The following CPQ variants were observed in gnomAD, a reference collection of about 807,000 sequenced individuals.
The protein encoded by CPQ is Ser-Met dipeptidase.
Under a neutral mutation model 45.7 loss-of-function variants are expected in CPQ, and 37 were observed. The observed-to-expected ratio is 0.81, with a 90% confidence interval of 0.62 to 1.07. The LOEUF is 1.07. Ranked by LOEUF, CPQ falls within the 50% of genes least tolerant of loss-of-function variation. The pLI is 0.00. For missense variants in CPQ, 537 were observed against 572.9 expected (o/e 0.94, Z 0.64); for synonymous variants, 186 against 205.8 (o/e 0.90, Z 0.82).
chr8:96,879,739 A>C, intron 3 of CPQ, 59 bp from the exon 4 acceptor site: 1 of 1,348,886 alleles, frequency 7.4e-7, no homozygotes, highest in South Asian at 1.2e-5. Context: ...AGGTGCTTTC[A>C]AAAAAGTCTT....
At chr8:97,022,957 C>T (rs543040907) in intron 5 of CPQ, among the ~76,000 whole-genome samples, 80 of 50,658 alleles carry the variant, frequency 1.6e-3, no homozygotes, top group African/African-American at 3.4e-3. Context: ...ATTTGCAATT[C>T]CAAAAACATA....
At chr8:96,776,172 C>T (rs898043992) in intron 1 of CPQ, among the ~76,000 whole-genome samples, 1 of 152,074 alleles carries the variant, frequency 6.6e-6, no homozygotes, top group Non-Finnish European at 1.5e-5. Context: ...TGAATAAAGG[C>T]AAAAATCTTC....
intron 1 of CPQ, among the ~76,000 whole-genome samples, chr8:96,775,912 A>G (rs960449532): frequency 1.3e-5 from 2 of 152,200 alleles, no homozygotes; most frequent in Non-Finnish European, 2.9e-5. Context: ...GCTTAGATTA[A>G]TGGGACTGGA....
chr8:97,122,371 G>A (rs1811720569), intron 7 of CPQ, among the ~76,000 whole-genome samples: 1 of 151,792 alleles, frequency 6.6e-6, no homozygotes, highest in South Asian at 2.1e-4. Flanking sequence ...GAAGACAATG[G>A]GTGACATCTT....
chr8:97,130,140 A>G (rs1475955721), intron 7 of CPQ, among the ~76,000 whole-genome samples: 1 of 152,194 alleles, frequency 6.6e-6, no homozygotes, highest in East Asian at 1.9e-4. Context: ...GTCCTCCATC[A>G]TGAGGCCTTT....
chr8:97,086,327 G>T (rs767242733), intron 7 of CPQ, among the ~76,000 whole-genome samples: 5 of 152,102 alleles, frequency 3.3e-5, no homozygotes, highest in Non-Finnish European at 7.4e-5. Context: ...AGACCATAAG[G>T]TGCCAAATAC....
intron 2 of CPQ, among the ~76,000 whole-genome samples, chr8:96,791,296 T>A (rs944965050): frequency 2.0e-5 from 3 of 152,318 alleles, no homozygotes; most frequent in African/African-American, 7.2e-5. Flanking sequence ...TTACTATTTT[T>A]AGCCATCTAG....
At chr8:96,656,609 G>A (rs991556850) in intron 1 of CPQ, among the ~76,000 whole-genome samples, 5 of 152,152 alleles carry the variant, frequency 3.3e-5, no homozygotes, top group Admixed American at 2.6e-4. Flanking sequence ...GGATTTCTGC[G>A]TCAGGCAATT....
At chr8:97,045,587 G>A (rs1043087447) in intron 6 of CPQ, among the ~76,000 whole-genome samples, 1 of 152,232 alleles carries the variant, frequency 6.6e-6, no homozygotes, top group African/African-American at 2.4e-5. Context: ...CGTCGCTCAT[G>A]CTGGGAGCTG....
At chr8:96,875,070 C>A (rs1474428807) in intron 3 of CPQ, among the ~76,000 whole-genome samples, 1 of 151,808 alleles carries the variant, frequency 6.6e-6, no homozygotes, top group Non-Finnish European at 1.5e-5. Context: ...TTTGCATTTC[C>A]TTTATAGCTA....
At chr8:97,106,815 A>C (rs1310599576) in intron 7 of CPQ, among the ~76,000 whole-genome samples, 1 of 152,196 alleles carries the variant, frequency 6.6e-6, no homozygotes, top group Non-Finnish European at 1.5e-5. Flanking sequence ...GAATCAGCAA[A>C]GAGCCGAGAA....
At chr8:97,097,045 T>G (rs12114789) in intron 7 of CPQ, among the ~76,000 whole-genome samples, 19,123 of 152,210 alleles carry the variant, frequency 0.13, 2,086 homozygotes, top group African/African-American at 0.29. Flanking sequence ...TGAAAAGGTT[T>G]CCAGCGTCCT....
chr8:97,070,743 A>G (rs1810726406), intron 7 of CPQ, among the ~76,000 whole-genome samples: 1 of 152,206 alleles, frequency 6.6e-6, no homozygotes, highest in Non-Finnish European at 1.5e-5. Context: ...AATTTGAAAG[A>G]CAATACATGA....
chr8:96,748,961 C>A (rs186312661), intron 1 of CPQ, among the ~76,000 whole-genome samples: 2 of 152,088 alleles, frequency 1.3e-5, no homozygotes, highest in East Asian at 3.8e-4. Context: ...AATTGCAAAG[C>A]CTTTTCTGAC....
intron 2 of CPQ, among the ~76,000 whole-genome samples, chr8:96,800,456 G>T (rs1265253960): frequency 5.9e-5 from 9 of 152,130 alleles, no homozygotes; most frequent in Non-Finnish European, 1.3e-4. Context: ...CATATTCTAT[G>T]ACCCAGTAAT....
intron 5 of CPQ, among the ~76,000 whole-genome samples, chr8:96,995,324 GGTT>G (rs1809159876): frequency 6.6e-6 from 1 of 151,990 alleles, no homozygotes; most frequent in African/African-American, 2.4e-5. Context: ...AAATTGTGGT[GGTT>G]GTTGTTTTAT....
intron 7 of CPQ, among the ~76,000 whole-genome samples, chr8:97,068,209 G>C (rs1161606243): frequency 3.9e-5 from 6 of 152,164 alleles, no homozygotes; most frequent in Non-Finnish European, 8.8e-5. Context: ...GAGTGATCAG[G>C]TTAATTTGAT....
intron 7 of CPQ, among the ~76,000 whole-genome samples, chr8:97,102,997 G>C (rs554149100): frequency 6.6e-6 from 1 of 152,068 alleles, no homozygotes; most frequent in East Asian, 1.9e-4. Flanking sequence ...TAGTGCCTTG[G>C]GGCCCCTTCT....
At chr8:96,842,494 C>T (rs183879199) in intron 3 of CPQ, among the ~76,000 whole-genome samples, 3 of 137,380 alleles carry the variant, frequency 2.2e-5, no homozygotes, top group African/African-American at 8.4e-5. Context: ...AAGCAGAATG[C>T]CAATTCTCAT....
Sources: allele counts gnomAD v4.1 joint callset (sites outside exome capture counted in the v4.1 genomes callset), GRCh38; gene constraint gnomAD v4.1.1; transcripts MANE v1.5; gene names NCBI Gene and HGNC (gene_info 2026-07-23, HGNC 2026-07-21).